The following UNC5C variants were observed in gnomAD, a reference collection of about 807,000 sequenced individuals.
UNC5C encodes the protein netrin receptor UNC5C.
In UNC5C, 47 loss-of-function variants were observed where a neutral mutation model predicts 99.8. That is an observed-to-expected ratio of 0.47 (90% CI 0.37 to 0.60). The LOEUF is 0.60. Among genes scored for constraint, UNC5C ranks in the 20% least tolerant of loss-of-function variants. UNC5C has a pLI of 0.00. For missense variants in UNC5C, 1,062 were observed against 1,165.9 expected (o/e 0.91, Z 1.30); for synonymous variants, 487 against 452.2 (o/e 1.08, Z -0.98).
At chr4:95,538,930 A>C (rs1722847334) in intron 1 of UNC5C, among the ~76,000 whole-genome samples, 1 of 152,162 alleles carries the variant, frequency 6.6e-6, no homozygotes, top group Non-Finnish European at 1.5e-5. Context: ...CTTTAAATGG[A>C]AGTAATGGAT....
chr4:95,315,810 A>C (rs1742455485), intron 2 of UNC5C, among the ~76,000 whole-genome samples: 1 of 152,242 alleles, frequency 6.6e-6, no homozygotes, highest in Non-Finnish European at 1.5e-5. Flanking sequence ...TGAAGGATAC[A>C]TACAACATGC....
At chr4:95,308,626 C>A (rs1462429012) in intron 2 of UNC5C, among the ~76,000 whole-genome samples, 4 of 150,700 alleles carry the variant, frequency 2.7e-5, no homozygotes, top group Non-Finnish European at 4.4e-5. Flanking sequence ...GGTGGCAGGC[C>A]CCTGTAATCC....
chr4:95,296,339 G>A (rs755853990), intron 3 of UNC5C, among the ~76,000 whole-genome samples: 1 of 152,038 alleles, frequency 6.6e-6, no homozygotes, highest in African/African-American at 2.4e-5. Flanking sequence ...AGGGTGAAAA[G>A]GTACCTTGGA....
At chr4:95,481,583 G>A (rs1169281646) in intron 1 of UNC5C, among the ~76,000 whole-genome samples, 1 of 152,060 alleles carries the variant, frequency 6.6e-6, no homozygotes, top group Non-Finnish European at 1.5e-5. Context: ...CAAAACTGGA[G>A]GCATCACTCT....
chr4:95,388,979 T>C (rs183845266), intron 1 of UNC5C, among the ~76,000 whole-genome samples: 1 of 152,288 alleles, frequency 6.6e-6, no homozygotes, highest in East Asian at 1.9e-4. Flanking sequence ...TCCATTGTGC[T>C]ATTTAACATT....
At chr4:95,443,865 C>A (rs1747020369) in intron 1 of UNC5C, among the ~76,000 whole-genome samples, 1 of 152,018 alleles carries the variant, frequency 6.6e-6, no homozygotes, top group South Asian at 2.1e-4. Context: ...AATACAAACA[C>A]CCTATTTTTT....
At chr4:95,327,101 A>T (rs1213312361) in intron 2 of UNC5C, among the ~76,000 whole-genome samples, 1 of 152,208 alleles carries the variant, frequency 6.6e-6, no homozygotes, top group Admixed American at 6.5e-5. Context: ...TGCTATTAAG[A>T]ACCACTAAGT....
At position 95,177,874 on chromosome 4, in the gene UNC5C, C is replaced by CTTTT. The variant is rs34351357; in HGVS notation, c.2451+5019_2451+5022dup. ...GCACCATCACACTGGGCTAATTTGC[C>CTTTT]TTTTTTTTTTTTAAGAGATGATGGG... On this transcript the variant is annotated intron_variant, in intron 14 of 15. Coordinates refer to ENST00000453304, the MANE Select transcript of UNC5C (RefSeq NM_003728.4). Among the ~76,000 whole-genome samples, 411 of 146,814 alleles carry CTTTT rather than the reference C, an allele frequency of 2.8e-3. 2 individuals are homozygous for CTTTT. The highest frequency in any genetic ancestry group is 0.017 in the Middle Eastern group (5 of 288).
chr4:95,314,830 T>A (rs1742413459), intron 2 of UNC5C, among the ~76,000 whole-genome samples: 2 of 152,194 alleles, frequency 1.3e-5, no homozygotes, highest in South Asian at 4.1e-4. Context: ...ACTTAAACAC[T>A]ATGACCTAGT....
chr4:95,334,247 G>T (rs533058606), intron 2 of UNC5C, among the ~76,000 whole-genome samples: 1 of 152,052 alleles, frequency 6.6e-6, no homozygotes, highest in South Asian at 2.1e-4. Context: ...AAAGTAGAAA[G>T]TAGAGCCCTC....
chr4:95,239,504 C>T (rs1215362804), intron 7 of UNC5C, among the ~76,000 whole-genome samples: 3 of 152,140 alleles, frequency 2.0e-5, no homozygotes, highest in Non-Finnish European at 4.4e-5. Flanking sequence ...AAAACTGAAA[C>T]CCTGATTTCC....
chr4:95,362,719 TA>T (rs1236098359), intron 1 of UNC5C, among the ~76,000 whole-genome samples: 4 of 152,160 alleles, frequency 2.6e-5, no homozygotes, highest in Non-Finnish European at 5.9e-5. Flanking sequence ...TCTTACTTGT[TA>T]AAACACAAAA....
chr4:95,197,214 C>T (rs2149358239), intron 12 of UNC5C, among the ~76,000 whole-genome samples: 1 of 150,060 alleles, frequency 6.7e-6, no homozygotes, highest in Non-Finnish European at 1.5e-5. Flanking sequence ...TGATAATTCA[C>T]ATTCTTGAAA....
intron 1 of UNC5C, among the ~76,000 whole-genome samples, chr4:95,363,420 T>C (rs1744456868): frequency 6.6e-6 from 1 of 152,278 alleles, no homozygotes; most frequent in African/African-American, 2.4e-5. Context: ...AGTGGAGATT[T>C]TATGACTCAG....
At chr4:95,411,688 C>T (rs1055349321) in intron 1 of UNC5C, among the ~76,000 whole-genome samples, 4 of 152,164 alleles carry the variant, frequency 2.6e-5, no homozygotes, top group East Asian at 3.9e-4. Context: ...TAAATTGGAT[C>T]GCAATCTCTT....
chr4:95,185,105 AG>A lies in UNC5C; in HGVS notation c.2227del (p.Leu743CysfsTer46). 1 of 1,614,038 alleles carries A rather than the reference AG, an allele frequency of 6.2e-7. No homozygotes were observed. Among genetic ancestry groups the A allele is most frequent in the Non-Finnish European group, 8.5e-7 (1 of 1,180,010 alleles). On this transcript the variant is annotated frameshift_variant, in exon 13 of 16. Transcript: ENST00000453304. LOFTEE classifies it high-confidence loss of function. ...HFKGSTHNLR[L>X]SIHDIAHSLW... ...GGAATGGGCGATATCGTGAATTGAC[AG>A]GCGCAGGTTGTGGGTGCTGCCTTTA...
At chr4:95,339,605 G>T (rs1251900514) in intron 1 of UNC5C, among the ~76,000 whole-genome samples, 2 of 151,944 alleles carry the variant, frequency 1.3e-5, no homozygotes, top group Admixed American at 1.3e-4. Flanking sequence ...ATATCTGAAG[G>T]AGTGACATTA....
chr4:95,383,477 T>G (rs1333186827), intron 1 of UNC5C, among the ~76,000 whole-genome samples: 1 of 152,216 alleles, frequency 6.6e-6, no homozygotes, highest in Non-Finnish European at 1.5e-5. Context: ...ATAAAACTAG[T>G]CCCATAATAG....
At chr4:95,245,758 A>C (rs1739481427) in intron 5 of UNC5C, among the ~76,000 whole-genome samples, 1 of 152,226 alleles carries the variant, frequency 6.6e-6, no homozygotes, top group Non-Finnish European at 1.5e-5. Context: ...TATAAAGGCC[A>C]ATTATGATGT....
Sources: allele counts gnomAD v4.1 joint callset (sites outside exome capture counted in the v4.1 genomes callset), GRCh38; gene constraint gnomAD v4.1.1; transcripts MANE v1.5; gene names NCBI Gene and HGNC (gene_info 2026-07-23, HGNC 2026-07-21).